The following SCAI variants were observed in gnomAD, a reference collection of about 807,000 sequenced individuals.
The protein encoded by SCAI is suppressor of cancer cell invasion, also known as protein SCAI.
SCAI carries 24 observed loss-of-function variants against 92.2 expected under a neutral mutation model. That is an observed-to-expected ratio of 0.26 (90% CI 0.19 to 0.37). SCAI has a LOEUF of 0.37. SCAI is among the 10% of genes least tolerant of loss of function. The pLI is 1.00. For synonymous variants in SCAI, 261 were observed against 258.6 expected (o/e 1.01, Z -0.09); for missense variants, 450 against 736.2 (o/e 0.61, Z 4.50).
intron 9 of SCAI, among the ~76,000 whole-genome samples, chr9:125,016,380 T>A (rs111310208): frequency 9.7e-6 from 1 of 103,104 alleles, no homozygotes; most frequent in African/African-American, 3.9e-5. Flanking sequence ...AGAGCAAGAC[T>A]CTGTCTCAAT....
chr9:124,990,654 T>C (rs1288087400), intron 14 of SCAI, among the ~76,000 whole-genome samples: 3 of 151,824 alleles, frequency 2.0e-5, no homozygotes, highest in Non-Finnish European at 4.4e-5. Context: ...GAATCAAGAA[T>C]TATCAATGCC....
chr9:125,092,010 G>A, intron 2 of SCAI, among the ~76,000 whole-genome samples: 1 of 151,582 alleles, frequency 6.6e-6, no homozygotes, highest in Non-Finnish European at 1.5e-5. Context: ...GGCGCCTGTA[G>A]TCCCAGCTAC....
chr9:124,995,122 G>A (rs1832212957), intron 13 of SCAI, 107 bp from the exon 14 acceptor site: 5 of 664,298 alleles, frequency 7.5e-6, no homozygotes, highest in Non-Finnish European at 1.2e-5. Context: ...AGCACTGAGA[G>A]AAAAACAAAG....
chr9:125,085,240 G>A (rs982182578), intron 2 of SCAI, among the ~76,000 whole-genome samples: 4 of 151,644 alleles, frequency 2.6e-5, no homozygotes, highest in Admixed American at 1.3e-4. Context: ...TAATCCCAGC[G>A]CTTCGGGAGG....
At chr9:125,062,108 G>A (rs539122993) in intron 2 of SCAI, among the ~76,000 whole-genome samples, 16 of 152,008 alleles carry the variant, frequency 1.1e-4, no homozygotes, top group South Asian at 4.1e-4. Flanking sequence ...TTTAAGTCAG[G>A]AAAGCATGCC....
chr9:124,996,820 G>A (rs1832248659), intron 13 of SCAI, among the ~76,000 whole-genome samples: 1 of 151,194 alleles, frequency 6.6e-6, no homozygotes, highest in Admixed American at 6.6e-5. Flanking sequence ...TAGTAGAGAT[G>A]GGATTTCACC....
intron 9 of SCAI, among the ~76,000 whole-genome samples, chr9:125,006,061 A>G (rs1218331494): frequency 2.6e-5 from 4 of 152,238 alleles, no homozygotes; most frequent in African/African-American, 9.6e-5. Context: ...AAAGCAATGC[A>G]GATCTTCGTT....
intron 3 of SCAI, among the ~76,000 whole-genome samples, chr9:125,037,418 A>G (rs1452329266): frequency 6.6e-6 from 1 of 152,034 alleles, no homozygotes; most frequent in Non-Finnish European, 1.5e-5. Context: ...CTACAAAAAA[A>G]AAAAGAAAAG....
intron 2 of SCAI, among the ~76,000 whole-genome samples, chr9:125,089,351 C>T (rs1028403167): frequency 6.6e-6 from 1 of 152,028 alleles, no homozygotes; most frequent in East Asian, 1.9e-4. Flanking sequence ...AGAATATGGC[C>T]CAAAAAAGCA....
At chr9:125,036,762 C>T (rs185643545) in intron 3 of SCAI, among the ~76,000 whole-genome samples, 1 of 152,264 alleles carries the variant, frequency 6.6e-6, no homozygotes, top group East Asian at 1.9e-4. Context: ...TACTTACAAG[C>T]ATATAACTGT....
intron 17 of SCAI, among the ~76,000 whole-genome samples, chr9:124,963,153 C>T (rs373155044): frequency 2.5e-4 from 37 of 148,356 alleles, no homozygotes; most frequent in South Asian, 2.1e-3. Flanking sequence ...TTTTCCCCCC[C>T]GAGACGGAGT....
At chr9:124,994,547 A>C (rs1009092239) in intron 14 of SCAI, among the ~76,000 whole-genome samples, 2 of 152,180 alleles carry the variant, frequency 1.3e-5, no homozygotes, top group African/African-American at 4.8e-5. Context: ...GTTTTACTTA[A>C]ACTACAGCAG....
intron 17 of SCAI, among the ~76,000 whole-genome samples, chr9:124,959,028 CA>C (rs1831378927): frequency 6.6e-6 from 1 of 151,788 alleles, no homozygotes; most frequent in Admixed American, 6.6e-5. Flanking sequence ...ATCGTAGCTT[CA>C]ATTTGCATTG....
At chr9:125,078,737 G>A (rs1418331664) in intron 2 of SCAI, among the ~76,000 whole-genome samples, 1 of 152,016 alleles carries the variant, frequency 6.6e-6, no homozygotes, top group Non-Finnish European at 1.5e-5. Context: ...GAAACATAGT[G>A]AGACTCCTAT....
intron 14 of SCAI, among the ~76,000 whole-genome samples, chr9:124,984,860 G>C (rs922946157): frequency 1.5e-4 from 23 of 152,144 alleles, no homozygotes; most frequent in Admixed American, 1.2e-3. Flanking sequence ...GCTGTAGGTG[G>C]AAAAGAACAA....
chr9:125,122,668 G>A (rs1835179381), intron 2 of SCAI, among the ~76,000 whole-genome samples: 1 of 151,664 alleles, frequency 6.6e-6, no homozygotes, highest in Non-Finnish European at 1.5e-5. Flanking sequence ...ACTTTGGGAG[G>A]CCGAGGCGGG....
chr9:124,990,972 T>C (rs368473012), intron 14 of SCAI, among the ~76,000 whole-genome samples: 5 of 152,154 alleles, frequency 3.3e-5, no homozygotes, highest in Non-Finnish European at 5.9e-5. Flanking sequence ...CAGCTACAAG[T>C]GGTTCGAAAA....
chr9:125,005,330 T>C (rs915480894), intron 9 of SCAI, among the ~76,000 whole-genome samples: 9 of 152,142 alleles, frequency 5.9e-5, no homozygotes, highest in Non-Finnish European at 1.3e-4. Context: ...TTAACTCATT[T>C]AATATACGTG....
chr9:125,095,535 CAG>C (rs1201526896), intron 2 of SCAI, among the ~76,000 whole-genome samples: 6 of 152,214 alleles, frequency 3.9e-5, no homozygotes, highest in Non-Finnish European at 5.9e-5. Flanking sequence ...TACATAATAA[CAG>C]AGTCTCCTAT....
Sources: gnomAD v4.1 joint callset for allele counts (sites outside exome capture counted in the v4.1 genomes callset) on GRCh38, gnomAD v4.1.1 for gene constraint, MANE v1.5 for transcripts, NCBI Gene and HGNC (gene_info 2026-07-23, HGNC 2026-07-21) for gene names.